The following HMGB1 variants were observed in gnomAD, a reference collection of about 807,000 sequenced individuals.
The protein encoded by HMGB1 is high mobility group protein B1.
For missense variants in HMGB1, 79 were observed against 253.5 expected (o/e 0.31, Z 4.67); for synonymous variants, 81 against 84.0 (o/e 0.96, Z 0.19).
At position 30,461,236 on chromosome 13, in the gene HMGB1, A is replaced by G. The variant is rs1242476998; in HGVS notation, c.*121T>C. 2 of 1,398,228 alleles carry G rather than the reference A, an allele frequency of 1.4e-6. No individual in the cohort carries two copies. Among genetic ancestry groups the G allele is most frequent in the Non-Finnish European group, 1.9e-6 (2 of 1,043,570 alleles). 86.6% of individuals were successfully genotyped at this position (1,398,228 alleles called of 1,614,324 possible). On this transcript the variant is annotated 3_prime_UTR_variant, in exon 5 of 5. Coordinates refer to ENST00000341423, the MANE Select transcript of HMGB1 (RefSeq NM_002128.7). ...AACTATACAAAAAAAGACACTGTAC[A>G]GTTTAAAAACAAATCTTACACAGCC...
At chr13:30,477,085 TAATAA>T in intron 1 of HMGB1, among the ~76,000 whole-genome samples, 1 of 152,200 alleles carries the variant, frequency 6.6e-6, no homozygotes, top group Admixed American at 6.5e-5. Context: ...TTAGCCTAGC[TAATAA>T]AATAAAAACG....
chr13:30,529,237 G>A (rs780287200), intron 1 of HMGB1, among the ~76,000 whole-genome samples: 4 of 152,072 alleles, frequency 2.6e-5, no homozygotes, highest in South Asian at 2.1e-4. Context: ...GTCTCTCTGC[G>A]TGCCCCCTTT....
chr13:30,516,904 G>A (rs897625785), intron 1 of HMGB1, among the ~76,000 whole-genome samples: 2 of 152,110 alleles, frequency 1.3e-5, no homozygotes, highest in Non-Finnish European at 2.9e-5. Flanking sequence ...GTGACAGAAC[G>A]AGACCCAGTC....
chr13:30,542,567 T>C (rs1326253135), intron 1 of HMGB1: 2 of 159,792 alleles, frequency 1.3e-5, no homozygotes, highest in Non-Finnish European at 2.8e-5. Context: ...CACTCCAGGC[T>C]CCACTGTTTT....
intron 1 of HMGB1, among the ~76,000 whole-genome samples, chr13:30,505,555 C>G (rs543356281): frequency 5.3e-5 from 8 of 152,248 alleles, no homozygotes; most frequent in Non-Finnish European, 1.2e-4. Context: ...AGGTGATCCA[C>G]CCACCTTGGC....
chr13:30,601,266 ACT>A (rs1950397353), intron 1 of HMGB1, among the ~76,000 whole-genome samples: 1 of 152,178 alleles, frequency 6.6e-6, no homozygotes, highest in South Asian at 2.1e-4. Flanking sequence ...CCCTTTGCTG[ACT>A]CTCTTTTCTG....
At chr13:30,471,554 C>T (rs1284795502) in intron 1 of HMGB1, among the ~76,000 whole-genome samples, 28 of 149,508 alleles carry the variant, frequency 1.9e-4, no homozygotes, top group Non-Finnish European at 7.4e-5. Context: ...GGGATTTCAC[C>T]ATGTTAGCCA....
intron 1 of HMGB1, chr13:30,554,181 C>A: frequency 7.1e-7 from 1 of 1,399,350 alleles, no homozygotes; most frequent in Non-Finnish European, 1.0e-6. Context: ...GAAACCAGAA[C>A]AATATCTCAC....
At chr13:30,571,518 A>T (rs1456034347) in intron 1 of HMGB1, among the ~76,000 whole-genome samples, 2 of 151,248 alleles carry the variant, frequency 1.3e-5, no homozygotes, top group Non-Finnish European at 1.5e-5. Context: ...CTGGTCTTGA[A>T]CTCCTGACCT....
intron 1 of HMGB1, among the ~76,000 whole-genome samples, chr13:30,552,333 T>C (rs545033961): frequency 6.6e-6 from 1 of 152,284 alleles, no homozygotes; most frequent in South Asian, 2.1e-4. Flanking sequence ...CTCCTAAAAA[T>C]AGGACACTCT....
At chr13:30,590,027 C>T (rs1013250667) in intron 1 of HMGB1, among the ~76,000 whole-genome samples, 3 of 151,556 alleles carry the variant, frequency 2.0e-5, no homozygotes, top group Non-Finnish European at 4.4e-5. Context: ...AGGAGACCAC[C>T]CTAAGTAATC....
chr13:30,524,137 A>T (rs545765106), intron 1 of HMGB1, among the ~76,000 whole-genome samples: 2 of 152,048 alleles, frequency 1.3e-5, no homozygotes, highest in Admixed American at 1.3e-4. Context: ...GAGTTGAACA[A>T]TGAGAACACA....
intron 1 of HMGB1, among the ~76,000 whole-genome samples, chr13:30,563,981 CAATA>C (rs1339038684): frequency 1.3e-5 from 2 of 152,082 alleles, no homozygotes; most frequent in African/African-American, 2.4e-5. Flanking sequence ...TCTTGCTTTT[CAATA>C]AATAATTTAT....
chr13:30,532,760 C>T (rs910189363), intron 1 of HMGB1, among the ~76,000 whole-genome samples: 8 of 151,994 alleles, frequency 5.3e-5, no homozygotes, highest in South Asian at 2.1e-4. Context: ...CCACCTGCCT[C>T]GGCTGGGATT....
chr13:30,465,396 C>CGCCGAGCCGCGCCGGCCCCGCCGCCCCG (rs1555232546), intron 1 of HMGB1, among the ~76,000 whole-genome samples: 10 of 142,874 alleles, frequency 7.0e-5, no homozygotes, highest in African/African-American at 2.5e-4. Context: ...CCGCCGCCGC[C>CGCCGAGCCGCGCCGGCCCCGCCGCCCCG]GCCGAGCCGC....
At chr13:30,593,181 C>A (rs951039825) in intron 1 of HMGB1, among the ~76,000 whole-genome samples, 2 of 152,160 alleles carry the variant, frequency 1.3e-5, no homozygotes, top group Non-Finnish European at 2.9e-5. Flanking sequence ...CCACTTTGGG[C>A]GGAAAGCAGC....
At chr13:30,548,586 A>G (rs963957940) in intron 1 of HMGB1, among the ~76,000 whole-genome samples, 4 of 152,230 alleles carry the variant, frequency 2.6e-5, no homozygotes, top group Admixed American at 2.0e-4. Flanking sequence ...AATTACAAGC[A>G]TTGTTACAAA....
At chr13:30,530,206 T>G (rs535443771) in intron 1 of HMGB1, among the ~76,000 whole-genome samples, 8 of 152,304 alleles carry the variant, frequency 5.3e-5, no homozygotes, top group Admixed American at 2.0e-4. Context: ...TCACAAAAAT[T>G]ACTAAGAATG....
intron 1 of HMGB1, among the ~76,000 whole-genome samples, chr13:30,595,640 T>C (rs1871572178): frequency 6.6e-6 from 1 of 152,224 alleles, no homozygotes; most frequent in Non-Finnish European, 1.5e-5. Flanking sequence ...CTGGCTCAGC[T>C]GTAGACAAGA....
Sources: allele counts gnomAD v4.1 joint callset (sites outside exome capture counted in the v4.1 genomes callset), GRCh38; gene constraint gnomAD v4.1.1; transcripts MANE v1.5; gene names NCBI Gene and HGNC (gene_info 2026-07-23, HGNC 2026-07-21).